Variants in ADCY2 observed in about 807,000 individuals in gnomAD.
ADCY2 encodes adenylate cyclase type 2.
A neutral mutation model predicts 125.2 loss-of-function variants in ADCY2; 31 were observed. The ratio of observed to expected loss-of-function variants is 0.25; its 90% confidence interval spans 0.19 to 0.33. The LOEUF (loss-of-function observed/expected upper bound fraction) is 0.33. Among genes scored for constraint, ADCY2 ranks in the 10% least tolerant of loss-of-function variants. The pLI, the probability that ADCY2 is intolerant of heterozygous loss-of-function variation, is 1.00. For synonymous variants in ADCY2, 512 were observed against 548.4 expected (o/e 0.93, Z 0.93); for missense variants, 904 against 1,418.2 (o/e 0.64, Z 5.82).
chr5:7,423,324 A>C (rs1740279227), intron 2 of ADCY2, among the ~76,000 whole-genome samples: 1 of 151,764 alleles, frequency 6.6e-6, no homozygotes, highest in Non-Finnish European at 1.5e-5. Flanking sequence ...AGCGTTGAGA[A>C]ACCAAACTGG....
intron 3 of ADCY2, among the ~76,000 whole-genome samples, chr5:7,575,228 T>G (rs2126605788): frequency 6.6e-6 from 1 of 152,250 alleles, no homozygotes; most frequent in South Asian, 2.1e-4. Flanking sequence ...ATATAATCTT[T>G]GGAAGGATGC....
intron 4 of ADCY2, among the ~76,000 whole-genome samples, chr5:7,635,147 T>C (rs761494902): frequency 2.6e-5 from 4 of 152,100 alleles, no homozygotes; most frequent in African/African-American, 4.8e-5. Context: ...GCAAGGTGGG[T>C]CAAGGACTTG....
intron 3 of ADCY2, among the ~76,000 whole-genome samples, chr5:7,541,323 T>TGCCCAAATCAGCAGATGGTGAAA (rs1317463415): frequency 6.6e-6 from 1 of 152,190 alleles, no homozygotes; most frequent in African/African-American, 2.4e-5. Flanking sequence ...TGGTGTGAAA[T>TGCCCAAATCAGCAGATGGTGAAA]GCAAGACTTG....
At chr5:7,724,937 TA>T (rs887305803) in intron 13 of ADCY2, among the ~76,000 whole-genome samples, 6 of 152,106 alleles carry the variant, frequency 3.9e-5, no homozygotes, top group South Asian at 4.2e-4. Flanking sequence ...AGAAAAGTCT[TA>T]AAAAAAACAG....
At chr5:7,575,851 A>G (rs1736229984) in intron 3 of ADCY2, among the ~76,000 whole-genome samples, 1 of 152,232 alleles carries the variant, frequency 6.6e-6, no homozygotes, top group South Asian at 2.1e-4. Flanking sequence ...CTTATGAGAA[A>G]ACAAAATCTG....
At chr5:7,619,557 A>G (rs1737882683) in intron 3 of ADCY2, among the ~76,000 whole-genome samples, 1 of 152,196 alleles carries the variant, frequency 6.6e-6, no homozygotes, top group African/African-American at 2.4e-5. Flanking sequence ...ATAGAAATTG[A>G]TGACAGTGTT....
chr5:7,459,050 G>A (rs1741814432), intron 2 of ADCY2, among the ~76,000 whole-genome samples: 1 of 152,176 alleles, frequency 6.6e-6, no homozygotes, highest in South Asian at 2.1e-4. Flanking sequence ...TGCGTTGGCT[G>A]GGATTTGGTG....
In ADCY2 at chr5:7,709,110, G is replaced by T. The variant is rs1407711094; in HGVS notation, c.1402-101G>T. ...AGAAAACACAGAGGGCGAATAGAGG[G>T]CTGTCAGGAGGAATGACCCTAGTCC... On this transcript the variant is annotated intron_variant, in intron 9 of 24. Coordinates refer to ENST00000338316, the MANE Select transcript of ADCY2 (RefSeq NM_020546.3). This position sits in a 1 kb window ranked among gnomAD's most constrained non-coding sequence, Gnocchi z 4.4. 4.0e-5 allele frequency: 47 copies of T among 1,177,858 alleles called. No individual in the cohort carries two copies. The highest frequency in any genetic ancestry group is 5.1e-5 in the Non-Finnish European group (45 of 876,628). 73.0% of individuals were successfully genotyped at this position (1,177,858 alleles called of 1,614,324 possible).
At chr5:7,468,267 G>A (rs999726220) in intron 2 of ADCY2, among the ~76,000 whole-genome samples, 1 of 152,132 alleles carries the variant, frequency 6.6e-6, no homozygotes, top group African/African-American at 2.4e-5. Flanking sequence ...CGGAGACAGG[G>A]CATGAGAGAC....
At chr5:7,524,282 A>G (rs1186340450) in intron 3 of ADCY2, among the ~76,000 whole-genome samples, 1 of 152,204 alleles carries the variant, frequency 6.6e-6, no homozygotes, top group African/African-American at 2.4e-5. Flanking sequence ...AGTACAGAGA[A>G]TTATTTTTTT....
chr5:7,678,584 G>A (rs1019417768), intron 4 of ADCY2, among the ~76,000 whole-genome samples: 1 of 152,150 alleles, frequency 6.6e-6, no homozygotes, highest in African/African-American at 2.4e-5. Flanking sequence ...CTTCCAATCA[G>A]TTCTTCTAAT....
chr5:7,506,436 C>T (rs1213282635), intron 2 of ADCY2, among the ~76,000 whole-genome samples: 2 of 152,002 alleles, frequency 1.3e-5, no homozygotes, highest in Non-Finnish European at 2.9e-5. Flanking sequence ...CAGTCCTTAA[C>T]AGTAGGATGA....
chr5:7,450,258 G>A (rs916153141), intron 2 of ADCY2, among the ~76,000 whole-genome samples: 10 of 152,312 alleles, frequency 6.6e-5, no homozygotes, highest in African/African-American at 2.4e-4. Context: ...CAAAGGAAAC[G>A]TTCTTGAAGG....
intron 4 of ADCY2, among the ~76,000 whole-genome samples, chr5:7,648,905 G>C (rs1480309234): frequency 6.6e-6 from 1 of 152,190 alleles, no homozygotes; most frequent in Non-Finnish European, 1.5e-5. Context: ...TAGCTCAGAA[G>C]ATAAGCTATA....
intron 19 of ADCY2, among the ~76,000 whole-genome samples, chr5:7,785,766 A>G (rs1173478926): frequency 6.6e-6 from 1 of 152,118 alleles, no homozygotes; most frequent in Non-Finnish European, 1.5e-5. Flanking sequence ...TCTCCATTTC[A>G]TACTGGGGAT....
At chr5:7,757,323 T>A in intron 15 of ADCY2, 126 bp from the exon 16 acceptor site, 1 of 1,235,198 alleles carries the variant, frequency 8.1e-7, no homozygotes, top group Middle Eastern at 2.0e-4. Flanking sequence ...CAGGGGAGGA[T>A]AGAATCTACA....
chr5:7,572,508 T>C (rs1460245297), intron 3 of ADCY2, among the ~76,000 whole-genome samples: 1 of 152,192 alleles, frequency 6.6e-6, no homozygotes, highest in East Asian at 1.9e-4. Context: ...TTTCTTCTTG[T>C]AAATTTGTTT....
chr5:7,808,823 C>T (rs775510500), intron 22 of ADCY2, among the ~76,000 whole-genome samples: 14 of 152,358 alleles, frequency 9.2e-5, no homozygotes, highest in Non-Finnish European at 1.5e-4. Flanking sequence ...CCCATTCCTC[C>T]ACCCTCAGCT....
At chr5:7,536,307 C>T (rs375949162) in intron 3 of ADCY2, among the ~76,000 whole-genome samples, 5 of 152,312 alleles carry the variant, frequency 3.3e-5, no homozygotes, top group Non-Finnish European at 5.9e-5. Flanking sequence ...TCAGACCAAT[C>T]GTGTAGGGCA....
Sources: gnomAD v4.1 joint callset for allele counts (sites outside exome capture counted in the v4.1 genomes callset) on GRCh38, gnomAD v4.1.1 for gene constraint, Gnocchi (gnomAD v3.1) non-coding constraint, MANE v1.5 for transcripts, NCBI Gene and HGNC (gene_info 2026-07-23, HGNC 2026-07-21) for gene names.